SYT16: variants seen among roughly 807,000 people sequenced by gnomAD.
SYT16 encodes the protein synaptotagmin 16, also known as synaptotagmin-16.
In SYT16, 42 loss-of-function variants were observed where a neutral mutation model predicts 61.4. That is an observed-to-expected ratio of 0.68 (90% CI 0.53 to 0.89). The LOEUF is 0.89. Among genes scored for constraint, SYT16 ranks in the 40% least tolerant of loss-of-function variants. The probability of loss-of-function intolerance (pLI) is 0.00; values close to 1 mark genes in which losing one functional copy is unlikely to be tolerated. For missense variants in SYT16, 804 were observed against 807.3 expected (o/e 1.00, Z 0.05); for synonymous variants, 314 against 302.3 (o/e 1.04, Z -0.40).
chr14:61,912,807 TG>T (rs1283973986), intron 1 of SYT16, among the ~76,000 whole-genome samples: 1 of 152,200 alleles, frequency 6.6e-6, no homozygotes, highest in African/African-American at 2.4e-5. Context: ...AAGATAAAGA[TG>T]ATTTAGTCCC....
chr14:61,832,210 G>A, intron 1 of SYT16: 1 of 641,274 alleles, frequency 1.6e-6, no homozygotes, highest in Non-Finnish European at 3.0e-6. Context: ...GCAGACAGGT[G>A]CTTGACATGG....
At chr14:61,843,418 A>C (rs1019715104) in intron 1 of SYT16, among the ~76,000 whole-genome samples, 1 of 152,176 alleles carries the variant, frequency 6.6e-6, no homozygotes, top group African/African-American at 2.4e-5. Context: ...ATGCAATCCC[A>C]TTTATCCATT....
At chr14:62,092,784 A>G (rs1441956308) in intron 7 of SYT16, among the ~76,000 whole-genome samples, 1 of 152,030 alleles carries the variant, frequency 6.6e-6, no homozygotes, top group Non-Finnish European at 1.5e-5. Context: ...TTACAAGATG[A>G]AAAGAGTTTT....
chr14:62,050,332 T>G (rs56673496), intron 3 of SYT16, among the ~76,000 whole-genome samples: 11,788 of 152,250 alleles, frequency 0.077, 573 homozygotes, highest in East Asian at 0.14. Context: ...TCAGGTCTTT[T>G]AAGGACTTCT....
intron 1 of SYT16, among the ~76,000 whole-genome samples, chr14:61,964,553 A>G (rs2051235754): frequency 6.6e-6 from 1 of 152,218 alleles, no homozygotes; most frequent in Non-Finnish European, 1.5e-5. Flanking sequence ...TTCTTGAGAT[A>G]GAATCCACTC....
At chr14:61,815,531 A>G (rs770866268) in intron 1 of SYT16, among the ~76,000 whole-genome samples, 2 of 152,218 alleles carry the variant, frequency 1.3e-5, no homozygotes, top group Non-Finnish European at 2.9e-5. Flanking sequence ...CATGTAAATT[A>G]TATAAAATAT....
chr14:62,083,408 G>A lies in SYT16; in HGVS notation c.1435-788G>A, dbSNP rs78266877. 1.0e-2 allele frequency among the ~76,000 whole-genome samples: 1,517 copies of A among 152,242 alleles called. 32 individuals are homozygous for A. Among genetic ancestry groups the A allele is most frequent in the South Asian group, 0.032 (156 of 4,814 alleles). On this transcript the variant is annotated intron_variant, in intron 6 of 7. Coordinates refer to ENST00000683842, the MANE Select transcript of SYT16 (RefSeq NM_001367656.1). ...CGATTCCTACTCCCGTGCCTTGAGG[G>A]ACAATCAGTGTCCTTCTCAGTTTTG...
Position 62,058,624 on chromosome 14 carries a change from A to G in SYT16, c.524-10979A>G, listed in dbSNP as rs568703836. Among the ~76,000 whole-genome samples the G allele has an allele frequency of 2.0e-5, 3 of 152,214 alleles. No homozygotes were observed. The East Asian group carries it at 5.8e-4, about 29-fold the overall frequency. On this transcript the variant is annotated intron_variant, in intron 3 of 7. Coordinates refer to ENST00000683842, the MANE Select transcript of SYT16 (RefSeq NM_001367656.1). ...GTTGATCTGCCCGCCTTGGCCTCCC[A>G]AAGTGCTGGGATTACAGGCATGAGC...
chr14:61,847,771 C>G (rs1039950894), intron 1 of SYT16, among the ~76,000 whole-genome samples: 1 of 151,988 alleles, frequency 6.6e-6, no homozygotes, highest in African/African-American at 2.4e-5. Flanking sequence ...TCTCCTCTTA[C>G]TGTATTTTCA....
chr14:62,013,441 C>T (rs774993671), intron 3 of SYT16, among the ~76,000 whole-genome samples: 34 of 152,162 alleles, frequency 2.2e-4, no homozygotes, highest in Non-Finnish European at 3.7e-4. Context: ...CTTACACATT[C>T]CTAGGTCGAG....
intron 1 of SYT16, among the ~76,000 whole-genome samples, chr14:61,943,121 A>G (rs2050274652): frequency 6.6e-6 from 1 of 152,238 alleles, no homozygotes; most frequent in South Asian, 2.1e-4. Context: ...CAAATAAACC[A>G]GGAAATCTAG....
At chr14:62,098,499 T>C (rs1475538880) in intron 7 of SYT16, among the ~76,000 whole-genome samples, 6 of 152,216 alleles carry the variant, frequency 3.9e-5, no homozygotes, top group African/African-American at 1.4e-4. Context: ...AGTGCTTTCT[T>C]TCCTTTCTAT....
intron 1 of SYT16, among the ~76,000 whole-genome samples, chr14:61,855,446 C>T (rs1219616136): frequency 6.6e-6 from 1 of 152,202 alleles, no homozygotes; most frequent in African/African-American, 2.4e-5. Context: ...AATATGCTCA[C>T]AACACTTATA....
chr14:61,972,488 G>T (rs188553209), intron 2 of SYT16, among the ~76,000 whole-genome samples: 211 of 152,218 alleles, frequency 1.4e-3, no homozygotes, highest in African/African-American at 4.7e-3. Flanking sequence ...TTCAGAGTGG[G>T]GTCATGTAAA....
chr14:61,965,405 C>A (rs951830481), intron 1 of SYT16, among the ~76,000 whole-genome samples: 1 of 152,062 alleles, frequency 6.6e-6, no homozygotes, highest in Non-Finnish European at 1.5e-5. Context: ...TAATAGATTC[C>A]GGAAGAAACA....
chr14:62,078,899 T>C (rs754032029), intron 5 of SYT16, among the ~76,000 whole-genome samples: 17 of 152,242 alleles, frequency 1.1e-4, no homozygotes, highest in Non-Finnish European at 2.4e-4. Flanking sequence ...CCATATAGGC[T>C]GTGCCTTAGG....
At chr14:62,022,499 G>T (rs1445917259) in intron 3 of SYT16, among the ~76,000 whole-genome samples, 3 of 151,908 alleles carry the variant, frequency 2.0e-5, no homozygotes, top group Non-Finnish European at 4.4e-5. Context: ...GGTGTGATCT[G>T]CTTTTTATTT....
chr14:61,972,969 A>T (rs910060832), intron 2 of SYT16, among the ~76,000 whole-genome samples: 31 of 152,314 alleles, frequency 2.0e-4, no homozygotes, highest in African/African-American at 6.7e-4. Flanking sequence ...CAGTCTATGA[A>T]TGGAAGAGAA....
At chr14:62,016,636 C>A (rs954986312) in intron 3 of SYT16, among the ~76,000 whole-genome samples, 1 of 151,828 alleles carries the variant, frequency 6.6e-6, no homozygotes, top group Non-Finnish European at 1.5e-5. Flanking sequence ...TGGCATGAAC[C>A]CGGGAGGCAG....
Sources: allele counts gnomAD v4.1 joint callset (sites outside exome capture counted in the v4.1 genomes callset), GRCh38; gene constraint gnomAD v4.1.1; transcripts MANE v1.5; gene names NCBI Gene and HGNC (gene_info 2026-07-23, HGNC 2026-07-21).